PDGFC: variants seen among roughly 807,000 people sequenced by gnomAD.
PDGFC encodes platelet-derived growth factor C.
In PDGFC, 12 loss-of-function variants were observed where a neutral mutation model predicts 35.5. The ratio of observed to expected loss-of-function variants is 0.34; its 90% confidence interval spans 0.22 to 0.55. The LOEUF (loss-of-function observed/expected upper bound fraction) is 0.55, where lower values mean the gene tolerates loss of function less well. Ranked by LOEUF, PDGFC falls within the 20% of genes least tolerant of loss-of-function variation. The probability of loss-of-function intolerance (pLI) is 0.91; values close to 1 mark genes in which losing one functional copy is unlikely to be tolerated. For missense variants in PDGFC, 322 were observed against 412.4 expected (o/e 0.78, Z 1.90); for synonymous variants, 159 against 148.8 (o/e 1.07, Z -0.50).
chr4:156,897,228 A>G (rs1001320894), intron 1 of PDGFC, among the ~76,000 whole-genome samples: 1 of 152,078 alleles, frequency 6.6e-6, no homozygotes, highest in African/African-American at 2.4e-5. Context: ...TAGTAATTTT[A>G]AAGTTGGGTT....
intron 5 of PDGFC, among the ~76,000 whole-genome samples, chr4:156,766,530 T>A (rs1730534813): frequency 6.6e-6 from 1 of 152,122 alleles, no homozygotes; most frequent in Admixed American, 6.6e-5. Context: ...TCTTGAAAAG[T>A]CAACTTTAAA....
chr4:156,925,372 G>T (rs770411376), intron 1 of PDGFC, among the ~76,000 whole-genome samples: 17 of 152,092 alleles, frequency 1.1e-4, no homozygotes, highest in Non-Finnish European at 2.4e-4. Flanking sequence ...TGCTACTGTG[G>T]TGTAGTAGTG....
At chr4:156,795,564 T>C (rs1731418496) in intron 3 of PDGFC, among the ~76,000 whole-genome samples, 2 of 152,150 alleles carry the variant, frequency 1.3e-5, no homozygotes, top group Admixed American at 1.3e-4. Flanking sequence ...ATTTTTATGA[T>C]TCTCCACCTG....
chr4:156,834,341 G>A (rs1293243364), intron 2 of PDGFC, among the ~76,000 whole-genome samples: 1 of 152,022 alleles, frequency 6.6e-6, no homozygotes, highest in Admixed American at 6.5e-5. Context: ...TTTTCTCAAA[G>A]TACACTAAGA....
At chr4:156,797,703 G>A (rs935550381) in intron 3 of PDGFC, among the ~76,000 whole-genome samples, 6 of 152,156 alleles carry the variant, frequency 3.9e-5, no homozygotes, top group African/African-American at 9.7e-5. Context: ...ATTGAAAGCC[G>A]TCCTGGGCCA....
At chr4:156,861,770 C>T (rs1005733509) in intron 1 of PDGFC, among the ~76,000 whole-genome samples, 6 of 152,116 alleles carry the variant, frequency 3.9e-5, no homozygotes, top group African/African-American at 1.4e-4. Context: ...ATTCCCTTGA[C>T]TCTTCATTCT....
chr4:156,864,783 G>T (rs1369785109), intron 1 of PDGFC, among the ~76,000 whole-genome samples: 1 of 152,054 alleles, frequency 6.6e-6, no homozygotes. Context: ...AACATGATTT[G>T]CTAAATAATG....
intron 1 of PDGFC, among the ~76,000 whole-genome samples, chr4:156,930,230 C>T (rs569636085): frequency 2.0e-5 from 3 of 152,210 alleles, no homozygotes; most frequent in African/African-American, 4.8e-5. Flanking sequence ...TATAGTTTGT[C>T]GTTATTGCTA....
intron 2 of PDGFC, among the ~76,000 whole-genome samples, chr4:156,825,405 C>T (rs6820392): frequency 0.056 from 8,354 of 149,726 alleles, 804 homozygotes; most frequent in African/African-American, 0.2. Context: ...AAAAAAAATT[C>T]CCAGGCTGGT....
intron 1 of PDGFC, among the ~76,000 whole-genome samples, chr4:156,876,230 G>A (rs1272168776): frequency 6.6e-6 from 1 of 152,118 alleles, no homozygotes; most frequent in Admixed American, 6.6e-5. Flanking sequence ...ATTATAAAAT[G>A]TTGGGGAAAA....
chr4:156,766,594 T>A (rs895374479), intron 5 of PDGFC, among the ~76,000 whole-genome samples: 2 of 152,154 alleles, frequency 1.3e-5, no homozygotes, highest in Non-Finnish European at 2.9e-5. Context: ...TGGCTTCATT[T>A]AAAAATTACT....
chr4:156,765,937 A>G (rs1241994081), intron 5 of PDGFC, among the ~76,000 whole-genome samples: 1 of 152,156 alleles, frequency 6.6e-6, no homozygotes, highest in Non-Finnish European at 1.5e-5. Context: ...AATCCCCACA[A>G]TAAAGTATGA....
chr4:156,836,872 ACAAT>A (rs1404796115), intron 2 of PDGFC, among the ~76,000 whole-genome samples: 1 of 152,200 alleles, frequency 6.6e-6, no homozygotes, highest in Admixed American at 6.5e-5. Flanking sequence ...ACAATGAAAA[ACAAT>A]CAATCAGTCA....
intron 1 of PDGFC, among the ~76,000 whole-genome samples, chr4:156,950,587 C>G (rs1273024038): frequency 6.6e-6 from 1 of 151,764 alleles, no homozygotes; most frequent in Non-Finnish European, 1.5e-5. Flanking sequence ...AATTAATATG[C>G]CTTTTCTCCT....
intron 2 of PDGFC, among the ~76,000 whole-genome samples, chr4:156,828,451 T>C (rs1051233740): frequency 6.6e-6 from 1 of 152,192 alleles, no homozygotes; most frequent in Non-Finnish European, 1.5e-5. Flanking sequence ...AAAACTCCAT[T>C]AGTGTTCCAG....
intron 2 of PDGFC, among the ~76,000 whole-genome samples, chr4:156,840,910 G>A (rs1729187173): frequency 6.6e-6 from 1 of 152,134 alleles, no homozygotes; most frequent in African/African-American, 2.4e-5. Flanking sequence ...CTATGTTTAA[G>A]CCAATTTCTC....
chr4:156,847,704 T>C (rs1027108029), intron 2 of PDGFC, among the ~76,000 whole-genome samples: 8 of 59,512 alleles, frequency 1.3e-4, no homozygotes, highest in Non-Finnish European at 2.3e-4. Flanking sequence ...GTTAAAAGTA[T>C]ACAAAACTCT....
At chr4:156,959,711 C>G (rs1248107802) in intron 1 of PDGFC, among the ~76,000 whole-genome samples, 1 of 152,018 alleles carries the variant, frequency 6.6e-6, no homozygotes, top group African/African-American at 2.4e-5. Context: ...GGCATTTACA[C>G]TTCTTCCAGA....
intron 2 of PDGFC, among the ~76,000 whole-genome samples, chr4:156,827,719 A>C (rs1167498329): frequency 1.3e-5 from 2 of 152,172 alleles, no homozygotes; most frequent in African/African-American, 4.8e-5. Flanking sequence ...CAATACCCAC[A>C]TACGTACATA....
Sources: allele counts gnomAD v4.1 joint callset (sites outside exome capture counted in the v4.1 genomes callset), GRCh38; gene constraint gnomAD v4.1.1; transcripts MANE v1.5; gene names NCBI Gene and HGNC (gene_info 2026-07-23, HGNC 2026-07-21).